The following L3MBTL4 variants were observed in gnomAD, a reference collection of about 807,000 sequenced individuals.
L3MBTL4 encodes the protein lethal(3)malignant brain tumor-like protein 4.
L3MBTL4 carries 70 observed loss-of-function variants against 84.5 expected under a neutral mutation model. The observed-to-expected ratio is 0.83, with a 90% CI of 0.68 to 1.01. The LOEUF (loss-of-function observed/expected upper bound fraction) is 1.01. Among genes scored for constraint, L3MBTL4 ranks in the 50% least tolerant of loss-of-function variants. L3MBTL4 has a pLI of 0.00. For missense variants in L3MBTL4, 715 were observed against 754.8 expected, an observed-to-expected ratio of 0.95 and a Z score of 0.62; for synonymous variants, 274 against 259.8, an observed-to-expected ratio of 1.05 and a Z score of -0.52.
At chr18:6,404,898 C>T (rs1323638641) in intron 1 of L3MBTL4, among the ~76,000 whole-genome samples, 4 of 151,434 alleles carry the variant, frequency 2.6e-5, no homozygotes, top group African/African-American at 7.3e-5. Context: ...ATGTTGCCCA[C>T]GTTGCCAGGC....
At chr18:6,409,965 T>C (rs1389192234) in intron 1 of L3MBTL4, among the ~76,000 whole-genome samples, 2 of 152,108 alleles carry the variant, frequency 1.3e-5, no homozygotes, top group African/African-American at 4.8e-5. Flanking sequence ...ATTATATAAA[T>C]TACACCTCCA....
rs1418440810 is a variant in L3MBTL4 at position 5,956,124 on chromosome 18, T to C, written c.*96A>G. 9.8e-7 allele frequency: 1 copy of C among 1,017,810 alleles called. No homozygotes were observed. The highest frequency in any genetic ancestry group is 1.5e-6 in the Non-Finnish European group (1 of 675,770). The allele number at this position is 1,017,810 out of a possible 1,614,324, so 63.0% of individuals were successfully genotyped here. On this transcript the variant is annotated 3_prime_UTR_variant, in exon 19 of 19. Coordinates refer to ENST00000317931, the MANE Select transcript of L3MBTL4 (RefSeq NM_001330559.2). ...TTAAAAAGTCCAGATTCAGTGTGGA[T>C]ACGGCCATGGGGACATTCACATCAA...
intron 16 of L3MBTL4, among the ~76,000 whole-genome samples, chr18:6,050,890 AT>A (rs1300023334): frequency 1.3e-5 from 2 of 152,164 alleles, no homozygotes; most frequent in African/African-American, 2.4e-5. Flanking sequence ...ATATTGAAGA[AT>A]TCTGGACATG....
At chr18:6,410,502 C>T (rs2055921265) in intron 1 of L3MBTL4, among the ~76,000 whole-genome samples, 1 of 149,324 alleles carries the variant, frequency 6.7e-6, no homozygotes, top group Non-Finnish European at 1.5e-5. Flanking sequence ...CCTTAATACA[C>T]TCAAAAAAAA....
chr18:6,110,673 CA>C (rs1178538434), intron 14 of L3MBTL4, among the ~76,000 whole-genome samples: 1 of 151,466 alleles, frequency 6.6e-6, no homozygotes, highest in Admixed American at 6.6e-5. Context: ...GGTGGTTGTA[CA>C]TGTGTATTGT....
rs2047527547 is a variant in L3MBTL4, at chr18:6,243,323, T to G, written c.431A>C (p.Lys144Thr). 6.2e-7 allele frequency: 1 copy of G among 1,600,792 alleles called. No individual in the cohort carries two copies. The highest frequency in any genetic ancestry group is 8.5e-7 in the Non-Finnish European group (1 of 1,174,430). Residue 144 changes from lysine to threonine, a missense_variant, in exon 7 of 19, where the codon AAG (lysine) becomes ACG (threonine). Transcript: ENST00000317931. Reference protein sequence around the residue: ...PDIHPVGWCEKTKHELHIPKG... With the variant: ...PDIHPVGWCETTKHELHIPKG... ...AGGGATGTGCAGTTCATGTTTGGTCTTTTCACACCATCCTACTGGATGAAT... is the reference window on the plus strand; with the variant it reads ...AGGGATGTGCAGTTCATGTTTGGTCGTTTCACACCATCCTACTGGATGAAT...
chr18:5,998,404 G>A (rs2054072060), intron 16 of L3MBTL4, among the ~76,000 whole-genome samples: 2 of 152,162 alleles, frequency 1.3e-5, no homozygotes, highest in Non-Finnish European at 2.9e-5. Context: ...GAAGAAGCCT[G>A]GTCTGTTAGC....
At chr18:6,398,613 A>T (rs1224081690) in intron 1 of L3MBTL4, among the ~76,000 whole-genome samples, 1 of 152,128 alleles carries the variant, frequency 6.6e-6, no homozygotes, top group Non-Finnish European at 1.5e-5. Context: ...TTGGTAAAGC[A>T]TATGCCAGAA....
intron 1 of L3MBTL4, among the ~76,000 whole-genome samples, chr18:6,403,323 C>T (rs1490043759): frequency 6.6e-6 from 1 of 152,200 alleles, no homozygotes; most frequent in African/African-American, 2.4e-5. Context: ...AGAACTTTAG[C>T]AAATACTGTT....
At chr18:5,962,055 G>A (rs1239100846) in intron 17 of L3MBTL4, among the ~76,000 whole-genome samples, 1 of 152,202 alleles carries the variant, frequency 6.6e-6, no homozygotes, top group Non-Finnish European at 1.5e-5. Flanking sequence ...GCTGCCCTGG[G>A]AGCTGGTGGT....
intron 16 of L3MBTL4, among the ~76,000 whole-genome samples, chr18:5,998,358 T>C (rs918885502): frequency 1.3e-5 from 2 of 152,102 alleles, no homozygotes; most frequent in South Asian, 2.1e-4. Flanking sequence ...TGTGGCTAGA[T>C]GGGAGAAAAC....
chr18:5,978,617 A>G (rs938126038), intron 16 of L3MBTL4, among the ~76,000 whole-genome samples: 7 of 152,182 alleles, frequency 4.6e-5, no homozygotes, highest in African/African-American at 1.7e-4. Flanking sequence ...CTCCACGTGC[A>G]GATACTGAGC....
intron 17 of L3MBTL4, 128 bp from the exon 18 acceptor site, chr18:5,960,284 T>C (rs1239474498): frequency 3.8e-5 from 15 of 396,446 alleles, no homozygotes; most frequent in Middle Eastern, 7.2e-4. Flanking sequence ...ATAGTAACTA[T>C]CAAGTTGCAT....
chr18:6,254,059 A>T (rs954263521), intron 5 of L3MBTL4, among the ~76,000 whole-genome samples: 2 of 152,182 alleles, frequency 1.3e-5, no homozygotes, highest in Non-Finnish European at 2.9e-5. Context: ...GGGGTTCATG[A>T]TGTCTTCGGG....
At chr18:6,115,892 G>A (rs2059342887) in intron 14 of L3MBTL4, among the ~76,000 whole-genome samples, 1 of 152,154 alleles carries the variant, frequency 6.6e-6, no homozygotes, top group Non-Finnish European at 1.5e-5. Context: ...GGGAGGTGGG[G>A]CCCAGGCCTC....
chr18:5,997,682 G>A (rs1388536330), intron 16 of L3MBTL4, among the ~76,000 whole-genome samples: 1 of 151,858 alleles, frequency 6.6e-6, no homozygotes, highest in Non-Finnish European at 1.5e-5. Flanking sequence ...GATGTCTCAT[G>A]TCTCCTAAAA....
At chr18:6,392,338 C>T (rs1401864628) in intron 1 of L3MBTL4, among the ~76,000 whole-genome samples, 1 of 152,214 alleles carries the variant, frequency 6.6e-6, no homozygotes, top group African/African-American at 2.4e-5. Flanking sequence ...CACTTGAGAT[C>T]GGGAGTTCAA....
At chr18:6,137,540 G>T (rs896583431) in intron 14 of L3MBTL4, among the ~76,000 whole-genome samples, 1 of 151,898 alleles carries the variant, frequency 6.6e-6, no homozygotes, top group Non-Finnish European at 1.5e-5. Flanking sequence ...ACATATTTGT[G>T]TATTTGAACA....
At chr18:6,037,224 C>T (rs906153248) in intron 16 of L3MBTL4, among the ~76,000 whole-genome samples, 1 of 152,230 alleles carries the variant, frequency 6.6e-6, no homozygotes, top group Non-Finnish European at 1.5e-5. Flanking sequence ...CGCATGCATA[C>T]CTGCCTGCCA....
Sources: allele counts gnomAD v4.1 joint callset (sites outside exome capture counted in the v4.1 genomes callset), GRCh38; gene constraint gnomAD v4.1.1; transcripts MANE v1.5; gene names NCBI Gene and HGNC (gene_info 2026-07-23, HGNC 2026-07-21).